C11orf65: variants seen among roughly 807,000 people sequenced by gnomAD.
The protein encoded by C11orf65 is chromosome 11 open reading frame 65.
Under a neutral mutation model 35.3 loss-of-function variants are expected in C11orf65, and 38 were observed. That is an observed-to-expected ratio of 1.08 (90% CI 0.83 to 1.41). C11orf65 has a LOEUF of 1.41. C11orf65 is among the 40% of genes most tolerant of loss of function. C11orf65 has a pLI of 0.00. For synonymous variants in C11orf65, 105 were observed against 114.4 expected (o/e 0.92, Z 0.53); for missense variants, 370 against 367.1 (o/e 1.01, Z -0.06).
chr11:108,342,551 T>C (rs1459011126), intron 2 of C11orf65, among the ~76,000 whole-genome samples: 5 of 152,100 alleles, frequency 3.3e-5, no homozygotes, highest in Non-Finnish European at 5.9e-5. Flanking sequence ...GGGAGGGACT[T>C]AGGGTCAGTG....
At chr11:108,387,215 C>T (rs543236846) in intron 7 of C11orf65, among the ~76,000 whole-genome samples, 13 of 115,376 alleles carry the variant, frequency 1.1e-4, no homozygotes, top group South Asian at 9.2e-4. Flanking sequence ...AGTGTGATGG[C>T]ACGATCTCGG....
intron 2 of C11orf65, among the ~76,000 whole-genome samples, chr11:108,361,648 T>G (rs1396182761): frequency 2.0e-5 from 3 of 151,648 alleles, no homozygotes; most frequent in African/African-American, 7.3e-5. Flanking sequence ...ACGCCGCATG[T>G]CTACAACTAT....
intron 2 of C11orf65, among the ~76,000 whole-genome samples, chr11:108,447,802 A>G (rs2093285567): frequency 6.6e-6 from 1 of 152,164 alleles, no homozygotes; most frequent in Non-Finnish European, 1.5e-5. Flanking sequence ...AACTGAAGGA[A>G]ATAGAGACAC....
chr11:108,443,750 A>G (rs2093201493), intron 2 of C11orf65, among the ~76,000 whole-genome samples: 1 of 152,184 alleles, frequency 6.6e-6, no homozygotes, highest in Non-Finnish European at 1.5e-5. Flanking sequence ...AGGCAGAAAT[A>G]AAGATGTTCT....
intron 6 of C11orf65, among the ~76,000 whole-genome samples, chr11:108,401,927 C>G (rs866481366): frequency 1.8e-4 from 28 of 152,150 alleles, no homozygotes; most frequent in Non-Finnish European, 2.1e-4. Context: ...ATCCACAATC[C>G]CAGGTGAGTA....
chr11:108,345,400 G>A (rs1329298862), intron 2 of C11orf65, among the ~76,000 whole-genome samples: 4 of 152,120 alleles, frequency 2.6e-5, no homozygotes, highest in African/African-American at 9.7e-5. Context: ...GTTTTCTATT[G>A]CAACCCAATG....
intron 2 of C11orf65, among the ~76,000 whole-genome samples, chr11:108,447,840 T>C (rs564397430): frequency 0.012 from 1,896 of 152,070 alleles, 50 homozygotes; most frequent in African/African-American, 0.043. Flanking sequence ...ATTAATGAAT[T>C]CAGGAGCTGG....
intron 2 of C11orf65, among the ~76,000 whole-genome samples, chr11:108,458,761 A>C (rs1024396746): frequency 6.6e-6 from 1 of 152,202 alleles, no homozygotes; most frequent in Non-Finnish European, 1.5e-5. Context: ...AAATTTAAAA[A>C]AGTAGGGAAG....
intron 2 of C11orf65, among the ~76,000 whole-genome samples, chr11:108,454,048 G>A (rs1193328667): frequency 1.3e-5 from 2 of 152,078 alleles, no homozygotes; most frequent in Non-Finnish European, 2.9e-5. Context: ...AAGCCATCCT[G>A]GGCTTTTCTT....
intron 2 of C11orf65, among the ~76,000 whole-genome samples, chr11:108,373,586 A>C (rs1294202185): frequency 6.6e-6 from 1 of 152,244 alleles, no homozygotes; most frequent in Non-Finnish European, 1.5e-5. Context: ...TACAGCTCCC[A>C]GTGTGAGCGA....
At chr11:108,333,586 A>G (rs1350198972) in intron 3 of C11orf65, among the ~76,000 whole-genome samples, 1 of 152,242 alleles carries the variant, frequency 6.6e-6, no homozygotes, top group Non-Finnish European at 1.5e-5. Context: ...TATGTTATCT[A>G]TGTACTATGC....
At chr11:108,350,797 A>G (rs550608061) in intron 2 of C11orf65, among the ~76,000 whole-genome samples, 2 of 152,320 alleles carry the variant, frequency 1.3e-5, no homozygotes, top group Admixed American at 6.5e-5. Flanking sequence ...GAGTATGCCA[A>G]CCTGAGTCCA....
intron 2 of C11orf65, among the ~76,000 whole-genome samples, chr11:108,370,328 T>C (rs2091522905): frequency 1.3e-5 from 2 of 152,100 alleles, no homozygotes; most frequent in Admixed American, 1.3e-4. Context: ...GAAATATATC[T>C]GGATTCTTTT....
chr11:108,433,614 A>G (rs956808396), intron 2 of C11orf65, among the ~76,000 whole-genome samples: 1 of 106,762 alleles, frequency 9.4e-6, no homozygotes, highest in South Asian at 2.9e-4. Context: ...CAAAACAAAA[A>G]AAGTACCAAA....
Position 108,407,810 on chromosome 11 carries a change from T to C in C11orf65, c.175-661A>G, listed in dbSNP as rs530730766. ...AGCTAGGCATGGTGGCAGGCACCTG[T>C]AGTCTCAGCTACTCAGGAGGCTGAG... On this transcript the variant is annotated intron_variant, in intron 3 of 8. Coordinates refer to ENST00000393084, the MANE Select transcript of C11orf65 (RefSeq NM_152587.5). 4.7e-5 allele frequency among the ~76,000 whole-genome samples: 7 copies of C among 150,522 alleles called. No homozygotes were observed. In the South Asian group the frequency reaches 1.5e-3, roughly 31 times the overall value.
chr11:108,357,584 G>A (rs1476593204), intron 2 of C11orf65, among the ~76,000 whole-genome samples: 19 of 152,258 alleles, frequency 1.2e-4, no homozygotes, highest in South Asian at 1.0e-3. Flanking sequence ...CTCCCAGCAC[G>A]CAGCTGGAGA....
chr11:108,343,254 T>C lies in C11orf65; in HGVS notation c.227-7962A>G, dbSNP rs1060504303. ...CCCTCTCTCAGCGAAGTGGTGTTCT[T>C]GAATGGTGCACAGGAACTGTCCCCA... On this transcript the variant is annotated intron_variant, in intron 2 of 3. Coordinates refer to the C11orf65 transcript ENST00000524755. 1 of 1,614,052 alleles carries C rather than the reference T, an allele frequency of 6.2e-7. No homozygotes were observed. The highest frequency in any genetic ancestry group is 8.5e-7 in the Non-Finnish European group (1 of 1,179,938).
intron 2 of C11orf65, among the ~76,000 whole-genome samples, chr11:108,448,602 T>A (rs1043675874): frequency 6.6e-6 from 1 of 152,154 alleles, no homozygotes; most frequent in African/African-American, 2.4e-5. Context: ...TGCTAAAAAC[T>A]CTCAATAATT....
In C11orf65 at chr11:108,334,154, C is replaced by T. The variant is rs227060; in HGVS notation, c.299+1066G>A. On this transcript the variant is annotated intron_variant, in intron 3 of 3. Transcript: ENST00000524755. The stretch of plus-strand genomic sequence containing the variant: ...GCCCTAAAATACTCAAAAGCTTCTC[C>T]TGCTTTCTTTTCCATTGCCTTCTGT... 0.28 allele frequency among the ~76,000 whole-genome samples: 42,645 copies of T among 151,788 alleles called. 7,172 individuals carry two copies. The highest frequency in any genetic ancestry group is 0.52 in the Middle Eastern group (152 of 292).
Sources: allele counts gnomAD v4.1 joint callset (sites outside exome capture counted in the v4.1 genomes callset), GRCh38; gene constraint gnomAD v4.1.1; transcripts MANE v1.5; gene names NCBI Gene and HGNC (gene_info 2026-07-23, HGNC 2026-07-21).